The following CNTN6 variants were observed in gnomAD, a reference collection of about 807,000 sequenced individuals.
CNTN6 encodes contactin 6.
In CNTN6, 137 loss-of-function variants were observed where a neutral mutation model predicts 122.8. The observed-to-expected ratio is 1.12, with a 90% CI of 0.97 to 1.29. The LOEUF (loss-of-function observed/expected upper bound fraction) is 1.29. Among genes scored for constraint, CNTN6 ranks in the 50% most tolerant of loss-of-function variants. The pLI is 0.00. For synonymous variants in CNTN6, 570 were observed against 426.0 expected (o/e 1.34, Z -4.16); for missense variants, 1,634 against 1,223.4 (o/e 1.34, Z -5.01).
Position 1,314,134 on chromosome 3 carries a change from C to G in CNTN6, c.762-7516C>G, listed in dbSNP as rs1218495019. Among the ~76,000 whole-genome samples the G allele has an allele frequency of 2.6e-5, 4 of 152,114 alleles. No homozygotes were observed. In the East Asian group the frequency reaches 7.8e-4, roughly 30 times the overall value. Reference sequence around the variant, plus strand: ...AAAATAAAAATGTTTTCTCTTTTTCCGTAACAGTGAGATTGCTTTTCTACA... The same window carrying G: ...AAAATAAAAATGTTTTCTCTTTTTCGGTAACAGTGAGATTGCTTTTCTACA... On this transcript the variant is annotated intron_variant, in intron 7 of 22. Coordinates refer to ENST00000446702, the MANE Select transcript of CNTN6 (RefSeq NM_001289080.2).
intron 12 of CNTN6, among the ~76,000 whole-genome samples, chr3:1,360,795 A>C (rs528097277): frequency 6.6e-6 from 1 of 152,048 alleles, no homozygotes; most frequent in Admixed American, 6.6e-5. Context: ...TTACAAATTT[A>C]CTATATCCTA....
Position 1,372,903 on chromosome 3 carries a change from A to G in CNTN6, c.1734A>G (p.Thr578=), listed in dbSNP as rs373502943. ...QLHHSGKYLC[T]VQTTLESLSA... is the part of the protein sequence containing the mutation. ...ATCATTCAGGAAAATATCTCTGCACAGTACAAACAACCCTAGAAAGTTTAT... is the reference window on the plus strand; with the variant it reads ...ATCATTCAGGAAAATATCTCTGCACGGTACAAACAACCCTAGAAAGTTTAT... The change falls in exon 14 of 23, where the codon ACA becomes ACG. Residue 578 remains threonine (T), a synonymous_variant. Transcript: ENST00000446702. 4 of 1,610,160 alleles carry G rather than the reference A, an allele frequency of 2.5e-6. No homozygotes were observed. The highest frequency in any genetic ancestry group is 3.4e-6 in the Non-Finnish European group (4 of 1,177,582).
At chr3:1,253,513 A>T (rs768073264) in intron 4 of CNTN6, among the ~76,000 whole-genome samples, 8 of 152,198 alleles carry the variant, frequency 5.3e-5, no homozygotes, top group Non-Finnish European at 1.0e-4. Flanking sequence ...TTAAGCAGTC[A>T]TGCGTATTGA....
intron 12 of CNTN6, among the ~76,000 whole-genome samples, chr3:1,365,426 G>T (rs1461153571): frequency 1.3e-5 from 2 of 151,970 alleles, no homozygotes; most frequent in African/African-American, 2.4e-5. Context: ...ATATGTGTAT[G>T]CATGTTAAAT....
intron 4 of CNTN6, among the ~76,000 whole-genome samples, chr3:1,255,784 TG>T (rs1329937545): frequency 1.1e-4 from 16 of 152,180 alleles, no homozygotes; most frequent in Middle Eastern, 3.2e-3. Flanking sequence ...GCAATCGTTT[TG>T]CTTCAGCCTC....
At chr3:1,362,367 A>T (rs1293873857) in intron 12 of CNTN6, among the ~76,000 whole-genome samples, 2 of 152,116 alleles carry the variant, frequency 1.3e-5, no homozygotes, top group Admixed American at 6.6e-5. Flanking sequence ...CGATAGAAAT[A>T]TTGAAGTTCT....
Position 1,402,525 on chromosome 3 carries a change from T to C in CNTN6, c.2986+39T>C, listed in dbSNP as rs201829584. 2.6e-6 allele frequency: 4 copies of C among 1,528,960 alleles called. No individual in the cohort carries two copies. In the East Asian group the frequency reaches 9.2e-5, roughly 35 times the overall value. The allele number at this position is 1,528,960 out of a possible 1,614,324, so 94.7% of individuals were successfully genotyped here. A position where few individuals can be genotyped will look rare whatever the true frequency, so the allele number is the denominator to read the frequency against. ...CCATTGCTGTAGTAGATTCTGAACCTAGACAGCTGCAGCATGAAATTCAGC... is the reference window on the plus strand; with the variant it reads ...CCATTGCTGTAGTAGATTCTGAACCCAGACAGCTGCAGCATGAAATTCAGC... On this transcript the variant is annotated intron_variant, in intron 22 of 22. Coordinates refer to ENST00000446702, the MANE Select transcript of CNTN6 (RefSeq NM_001289080.2).
At chr3:1,101,887 A>G (rs2090915616) in intron 1 of CNTN6, among the ~76,000 whole-genome samples, 1 of 152,206 alleles carries the variant, frequency 6.6e-6, no homozygotes, top group African/African-American at 2.4e-5. Context: ...TAAAATCTAG[A>G]GGCAATTATT....
chr3:1,396,147 C>T (rs528062584), intron 20 of CNTN6, among the ~76,000 whole-genome samples: 1 of 152,308 alleles, frequency 6.6e-6, no homozygotes, highest in Admixed American at 6.5e-5. Context: ...CAAGCAAGAT[C>T]TTTCACAATG....
intron 2 of CNTN6, among the ~76,000 whole-genome samples, chr3:1,209,171 A>G (rs750061367): frequency 7.2e-5 from 11 of 152,190 alleles, no homozygotes; most frequent in South Asian, 4.1e-4. Context: ...TCAAATCACA[A>G]GGTCACCATA....
intron 20 of CNTN6, among the ~76,000 whole-genome samples, chr3:1,389,714 G>T (rs1381904343): frequency 6.6e-6 from 1 of 151,230 alleles, no homozygotes; most frequent in Non-Finnish European, 1.5e-5. Context: ...GATGGAGGAA[G>T]ATCTACTGAG....
intron 5 of CNTN6, among the ~76,000 whole-genome samples, 197 bp downstream of exon 5, chr3:1,278,705 G>T (rs1313284876): frequency 6.6e-6 from 1 of 152,196 alleles, no homozygotes; most frequent in Non-Finnish European, 1.5e-5. Context: ...CAGCCACACA[G>T]CAAATATGTT....
intron 11 of CNTN6, among the ~76,000 whole-genome samples, chr3:1,330,710 G>A (rs1467955942): frequency 1.3e-5 from 2 of 151,830 alleles, no homozygotes; most frequent in African/African-American, 2.4e-5. Flanking sequence ...CTCTTCTTCA[G>A]CATCATATGT....
intron 19 of CNTN6, 34 bp downstream of exon 19, chr3:1,383,442 T>C: frequency 6.5e-7 from 1 of 1,543,024 alleles, no homozygotes. Context: ...TGCTTATGAA[T>C]GTGCCAATGG....
chr3:1,278,578 T>C (rs1027390435), intron 5 of CNTN6, 70 bp downstream of exon 5: 2 of 1,008,110 alleles, frequency 2.0e-6, no homozygotes, highest in African/African-American at 1.6e-5. Context: ...ACATCAGGTC[T>C]TAGGCTCAGT....
chr3:1,358,272 CT>C (rs1706906601), intron 12 of CNTN6, among the ~76,000 whole-genome samples: 1 of 151,834 alleles, frequency 6.6e-6, no homozygotes, highest in African/African-American at 2.4e-5. Flanking sequence ...TCTTTTTGAT[CT>C]TTAGTTTCCT....
At chr3:1,234,636 G>A (rs544674538) in intron 4 of CNTN6, among the ~76,000 whole-genome samples, 1 of 152,116 alleles carries the variant, frequency 6.6e-6, no homozygotes, top group Non-Finnish European at 1.5e-5. Context: ...TATTAAGTGG[G>A]TAATGCATAC....
intron 11 of CNTN6, among the ~76,000 whole-genome samples, chr3:1,345,268 C>G (rs1704506837): frequency 6.6e-6 from 1 of 151,982 alleles, no homozygotes; most frequent in Admixed American, 6.6e-5. Context: ...AGGCACGAAC[C>G]ACCATACCCG....
chr3:1,329,200 T>C (rs1701945667), intron 10 of CNTN6, among the ~76,000 whole-genome samples: 1 of 151,254 alleles, frequency 6.6e-6, no homozygotes, highest in South Asian at 2.1e-4. Context: ...TATATACATG[T>C]ATGCATATAC....
Sources: allele counts gnomAD v4.1 joint callset (sites outside exome capture counted in the v4.1 genomes callset), GRCh38; gene constraint gnomAD v4.1.1; transcripts MANE v1.5; gene names NCBI Gene and HGNC (gene_info 2026-07-23, HGNC 2026-07-21).